Variants in ZCCHC9 observed in about 807,000 individuals in gnomAD.
ZCCHC9 encodes zinc finger CCHC domain-containing protein 9.
ZCCHC9 carries 18 observed loss-of-function variants against 30.8 expected under a neutral mutation model. That is an observed-to-expected ratio of 0.58 (90% CI 0.40 to 0.87). The LOEUF (loss-of-function observed/expected upper bound fraction) is 0.87, where lower values mean the gene tolerates loss of function less well. ZCCHC9 is among the 40% of genes least tolerant of loss of function. ZCCHC9 has a pLI of 0.00. For synonymous variants in ZCCHC9, 94 were observed against 106.7 expected, an observed-to-expected ratio of 0.88 and a Z score of 0.73; for missense variants, 279 against 331.2, an observed-to-expected ratio of 0.84 and a Z score of 1.22.
chr5:81,305,755 G>A (rs781518778), intron 2 of ZCCHC9, among the ~76,000 whole-genome samples: 1 of 152,094 alleles, frequency 6.6e-6, no homozygotes, highest in African/African-American at 2.4e-5. Context: ...ACGAGAGTTC[G>A]TCCTCCAAAA....
At chr5:81,302,769 G>A (rs1757992819) in intron 1 of ZCCHC9, 1 of 152,060 alleles carries the variant, frequency 6.6e-6, no homozygotes, top group Admixed American at 6.6e-5. Flanking sequence ...AGCTGAATAG[G>A]GCACTTACGC....
At chr5:81,311,431 T>A in intron 5 of ZCCHC9, 152 bp downstream of exon 5, 1 of 825,386 alleles carries the variant, frequency 1.2e-6, no homozygotes, top group Non-Finnish European at 2.0e-6. Context: ...CTGTCAGCAA[T>A]AGACACACAT....
chr5:81,311,097 T>C, intron 4 of ZCCHC9, 114 bp from the exon 5 acceptor site: 1 of 1,031,736 alleles, frequency 9.7e-7, no homozygotes, highest in Admixed American at 1.8e-5. Context: ...CTGGTCTAGC[T>C]ACCTTTACAA....
intron 2 of ZCCHC9, chr5:81,308,329 T>C (rs1758150105): frequency 4.6e-6 from 2 of 435,592 alleles, no homozygotes; most frequent in African/African-American, 4.1e-5. Context: ...ATAACATTGT[T>C]CCTGAGATTT....
At chr5:81,311,100 C>A in intron 4 of ZCCHC9, 111 bp from the exon 5 acceptor site, 1 of 1,078,336 alleles carries the variant, frequency 9.3e-7, no homozygotes, top group Non-Finnish European at 1.4e-6. Flanking sequence ...GTCTAGCTAC[C>A]TTTACAACTG....
intron 1 of ZCCHC9, chr5:81,301,959 C>T (rs1340100958): frequency 6.6e-6 from 1 of 152,274 alleles, no homozygotes; most frequent in African/African-American, 2.4e-5. Flanking sequence ...AGAGCCTCCC[C>T]CTTCCCACGT....
chr5:81,304,055 G>A (rs1758028052), intron 1 of ZCCHC9: 1 of 152,200 alleles, frequency 6.6e-6, no homozygotes, highest in Non-Finnish European at 1.5e-5. Context: ...TGTATTAAGA[G>A]TATAAAAACA....
intron 2 of ZCCHC9, among the ~76,000 whole-genome samples, chr5:81,306,944 T>C (rs963959304): frequency 1.3e-5 from 2 of 152,154 alleles, no homozygotes; most frequent in African/African-American, 4.8e-5. Context: ...CAGCTTCTTT[T>C]TTTTGGACCA....
At chr5:81,307,536 C>T (rs1758113445) in intron 2 of ZCCHC9, among the ~76,000 whole-genome samples, 2 of 151,896 alleles carry the variant, frequency 1.3e-5, no homozygotes, top group South Asian at 4.1e-4. Flanking sequence ...GCTTGTAATC[C>T]CAGCTACTTG....
Position 81,308,722 on chromosome 5 carries a change from C to A in ZCCHC9, c.535+11C>A. 6.3e-7 allele frequency: 1 copy of A among 1,595,808 alleles called. No homozygotes were observed. Among genetic ancestry groups the A allele is most frequent in the Admixed American group, 1.8e-5 (1 of 54,596 alleles). ...TAGACCCGGCTCTTGGTATGTGTTT[C>A]TTTCAGTTTTTTGTTTTGTTCATGG... On this transcript the variant is annotated intron_variant, in intron 3 of 5. Coordinates refer to ENST00000407610, the MANE Select transcript of ZCCHC9 (RefSeq NM_001131035.2).
intron 3 of ZCCHC9, 80 bp downstream of exon 3, chr5:81,308,791 T>C (rs1758173041): frequency 6.6e-7 from 1 of 1,521,494 alleles, no homozygotes; most frequent in African/African-American, 1.4e-5. Flanking sequence ...TTAACACAAT[T>C]TGTTACGAGT....
Position 81,312,724 on chromosome 5 carries a change from A to G in ZCCHC9, c.*62A>G, listed in dbSNP as rs1328623336. On this transcript the variant is annotated 3_prime_UTR_variant, in exon 6 of 6. Coordinates refer to ENST00000407610, the MANE Select transcript of ZCCHC9 (RefSeq NM_001131035.2). ...TTACTTTCTAAACCAGGCCCGCTTC[A>G]CGAGTTAGAGTTGAGCTCCCCTGTA... 3 of 1,295,214 alleles carry G rather than the reference A, an allele frequency of 2.3e-6. No individual in the cohort carries two copies. Among genetic ancestry groups the G allele is most frequent in the African/African-American group, 2.9e-5 (2 of 68,778 alleles). 80.2% of individuals were successfully genotyped at this position (1,295,214 alleles called of 1,614,324 possible). A position where few individuals can be genotyped will look rare whatever the true frequency, so the allele number is the denominator to read the frequency against.
chr5:81,305,229 T>TAA, intron 2 of ZCCHC9, 88 bp downstream of exon 2: 1 of 1,475,826 alleles, frequency 6.8e-7, no homozygotes, highest in Non-Finnish European at 9.0e-7. Context: ...TAGCCAGCTC[T>TAA]GGTTACCATT....
chr5:81,302,718 A>G (rs1459335932), intron 1 of ZCCHC9: 1 of 152,206 alleles, frequency 6.6e-6, no homozygotes, highest in East Asian at 1.9e-4. Flanking sequence ...TAAACACAGA[A>G]AAGATACTGT....
chr5:81,311,098 A>G (rs1032030592), intron 4 of ZCCHC9, 113 bp from the exon 5 acceptor site: 22 of 1,035,998 alleles, frequency 2.1e-5, no homozygotes, highest in Non-Finnish European at 3.2e-5. Flanking sequence ...TGGTCTAGCT[A>G]CCTTTACAAC....
In ZCCHC9 at chr5:81,311,243, C is replaced by T; in HGVS notation, c.661C>T (p.His221Tyr). ...GGCKLCGSVE[H>Y]LKKDCPESQN... ...TTGCAAACTTTGTGGCTCTGTGGAA[C>T]ATTTAAAGAAAGATTGCCCTGAAAG... Residue 221 changes from histidine to tyrosine, a missense_variant, in exon 5 of 6, where the codon CAT becomes TAT. Coordinates refer to ENST00000407610, the MANE Select transcript of ZCCHC9 (RefSeq NM_001131035.2). 1 of 1,614,092 alleles carries T rather than the reference C, an allele frequency of 6.2e-7. No homozygotes were observed. Among genetic ancestry groups the T allele is most frequent in the South Asian group, 1.1e-5 (1 of 91,084 alleles).
chr5:81,302,446 G>A (rs548763505), intron 1 of ZCCHC9: 2 of 152,364 alleles, frequency 1.3e-5, no homozygotes, highest in East Asian at 3.9e-4. Flanking sequence ...ACTCCAGGTT[G>A]GGCTACAGAG....
intron 1 of ZCCHC9, 125 bp from the exon 2 acceptor site, chr5:81,304,616 G>A (rs1758039501): frequency 2.7e-6 from 2 of 738,284 alleles, no homozygotes; most frequent in African/African-American, 3.6e-5. Context: ...AATAAAAAGT[G>A]TTTTAATAAT....
chr5:81,311,339 C>G, intron 5 of ZCCHC9, 60 bp downstream of exon 5: 4 of 1,525,616 alleles, frequency 2.6e-6, no homozygotes, highest in Non-Finnish European at 2.7e-6. Context: ...GCGTTTTATT[C>G]TGCACTTGTT....
Sources: allele counts gnomAD v4.1 joint callset (sites outside exome capture counted in the v4.1 genomes callset), GRCh38; gene constraint gnomAD v4.1.1; transcripts MANE v1.5; gene names NCBI Gene and HGNC (gene_info 2026-07-23, HGNC 2026-07-21).